The following RHOT1 variants were observed in gnomAD, a reference collection of about 807,000 sequenced individuals.
RHOT1 encodes mitochondrial Rho GTPase 1.
RHOT1 carries 27 observed loss-of-function variants against 95.3 expected under a neutral mutation model. The ratio of observed to expected loss-of-function variants is 0.28; its 90% CI spans 0.21 to 0.39. The LOEUF is 0.39. Among genes scored for constraint, RHOT1 ranks in the 10% least tolerant of loss-of-function variants. The pLI is 1.00. For synonymous variants in RHOT1, 227 were observed against 263.5 expected (o/e 0.86, Z 1.34); for missense variants, 578 against 786.7 (o/e 0.73, Z 3.17).
chr17:32,169,817 G>A (rs1177928702), intron 1 of RHOT1, among the ~76,000 whole-genome samples: 1 of 151,876 alleles, frequency 6.6e-6, no homozygotes, highest in Non-Finnish European at 1.5e-5. Flanking sequence ...ACCATCCTGG[G>A]CGACATGACG....
At chr17:32,201,496 G>A (rs1392949585) in intron 14 of RHOT1, among the ~76,000 whole-genome samples, 1 of 152,180 alleles carries the variant, frequency 6.6e-6, no homozygotes, top group Non-Finnish European at 1.5e-5. Flanking sequence ...TTAAGGAACT[G>A]ATCATTTCAA....
Position 32,199,434 on chromosome 17 carries a change from G to A in RHOT1, c.984G>A (p.Glu328=), listed in dbSNP as rs752294735. 9 of 1,613,232 alleles carry A rather than the reference G, an allele frequency of 5.6e-6. No homozygotes were observed. The highest frequency in any genetic ancestry group is 1.7e-4 in the Middle Eastern group (1 of 6,058). ...LDRDCALSPD[E]LKDLFKVFPY... Reference sequence around the variant, plus strand: ...GAGACTGTGCTTTGTCACCTGATGAGCTTAAAGATTTATTTAAAGTTTTCC... The same window carrying A: ...GAGACTGTGCTTTGTCACCTGATGAACTTAAAGATTTATTTAAAGTTTTCC... Residue 328 remains glutamate, a synonymous_variant, in exon 13 of 20, where the codon GAG becomes GAA. Coordinates refer to ENST00000545287, the MANE Select transcript of RHOT1 (RefSeq NM_001033566.3).
intron 19 of RHOT1, among the ~76,000 whole-genome samples, chr17:32,223,329 T>C (rs1394034471): frequency 2.6e-5 from 4 of 152,168 alleles, no homozygotes; most frequent in Admixed American, 6.6e-5. Flanking sequence ...TATCTGACTT[T>C]TGCTTCAAAT....
intron 8 of RHOT1, among the ~76,000 whole-genome samples, chr17:32,189,085 G>T (rs959938559): frequency 2.0e-5 from 3 of 152,112 alleles, no homozygotes; most frequent in Non-Finnish European, 4.4e-5. Context: ...GGATCATGAG[G>T]TAGGATATCG....
At chr17:32,201,420 A>C (rs1346057152) in intron 14 of RHOT1, among the ~76,000 whole-genome samples, 3 of 152,242 alleles carry the variant, frequency 2.0e-5, no homozygotes, top group Non-Finnish European at 4.4e-5. Context: ...CAAATCTTGT[A>C]AGCCAGGCAT....
At chr17:32,214,636 T>A (rs954530665) in intron 19 of RHOT1, among the ~76,000 whole-genome samples, 3 of 152,206 alleles carry the variant, frequency 2.0e-5, no homozygotes, top group Non-Finnish European at 2.9e-5. Context: ...TGGAACCACC[T>A]TTCCCTGTTA....
In RHOT1 at chr17:32,206,949, G is replaced by C. The variant is rs2037798923; in HGVS notation, c.1456G>C (p.Glu486Gln). 1 of 1,607,218 alleles carries C rather than the reference G, an allele frequency of 6.2e-7. No individual in the cohort carries two copies. Among genetic ancestry groups the C allele is most frequent in the Non-Finnish European group, 8.5e-7 (1 of 1,174,792 alleles). Residue 486 changes from glutamate (E) to glutamine (Q), a missense_variant, in exon 17 of 20, where the codon GAA (glutamate) becomes CAA (glutamine). Around this residue, in one of 4 missense-constraint regions of RHOT1, gnomAD observed 296 missense variants for 338.5 expected, o/e 0.87. Coordinates refer to ENST00000545287, the MANE Select transcript of RHOT1 (RefSeq NM_001033566.3). ...ISESEFLTEA[E>Q]IICDVVCLVY... Reference sequence around the variant, plus strand: ...AGAATCGGAATTTCTAACTGAAGCTGAAATCATTTGTGATGTTGTATGCCT... The same window carrying C: ...AGAATCGGAATTTCTAACTGAAGCTCAAATCATTTGTGATGTTGTATGCCT...
chr17:32,204,421 A>T (rs2037550907), intron 16 of RHOT1, among the ~76,000 whole-genome samples: 2 of 151,730 alleles, frequency 1.3e-5, no homozygotes, highest in South Asian at 4.2e-4. Context: ...ATGGTGGTTC[A>T]TGCCTGTAAT....
chr17:32,224,293 A>C (rs1251201808), intron 19 of RHOT1, among the ~76,000 whole-genome samples: 1 of 152,188 alleles, frequency 6.6e-6, no homozygotes, highest in Non-Finnish European at 1.5e-5. Flanking sequence ...CATTTTGAAC[A>C]ACCGTAACGG....
intron 8 of RHOT1, among the ~76,000 whole-genome samples, chr17:32,185,050 G>A (rs1253680688): frequency 6.6e-6 from 1 of 151,986 alleles, no homozygotes; most frequent in Non-Finnish European, 1.5e-5. Context: ...CTCTCAAGTA[G>A]CTGGGACTAT....
intron 19 of RHOT1, among the ~76,000 whole-genome samples, chr17:32,220,130 A>C (rs1483246980): frequency 6.6e-6 from 1 of 152,198 alleles, no homozygotes; most frequent in Admixed American, 6.5e-5. Context: ...CTGTAATCCC[A>C]GCTCTTTGGG....
Position 32,201,047 on chromosome 17 carries a change from G to C in RHOT1, c.1192G>C (p.Ala398Pro). ...ILTEQESQASAVTVTRDKKID... is the reference protein window; with the variant it reads ...ILTEQESQASPVTVTRDKKID... The stretch of plus-strand genomic sequence containing the variant: ...GACTGAGCAAGAGTCTCAAGCTTCA[G>C]CTGTTACAGGTAAGTATCTAGATAC... Residue 398 changes from alanine (A) to proline (P), a missense_variant, in exon 14 of 20, where the codon GCT becomes CCT. Transcript: ENST00000545287. 2 of 1,592,388 alleles carry C rather than the reference G, an allele frequency of 1.3e-6. No homozygotes were observed. Among genetic ancestry groups the C allele is most frequent in the Non-Finnish European group, 1.7e-6 (2 of 1,166,772 alleles).
intron 2 of RHOT1, among the ~76,000 whole-genome samples, chr17:32,172,479 T>G (rs2034656637): frequency 2.6e-5 from 4 of 152,224 alleles, no homozygotes; most frequent in African/African-American, 9.6e-5. Context: ...TTGTAAGTAA[T>G]CTAGAAGGGT....
At chr17:32,199,109 T>C (rs2037123952) in intron 12 of RHOT1, 78 bp downstream of exon 12, 5 of 1,155,610 alleles carry the variant, frequency 4.3e-6, no homozygotes, top group Admixed American at 4.0e-5. Context: ...TTCCCTGAGC[T>C]ATGGGATGTG....
At chr17:32,176,651 C>T (rs1267415380) in intron 6 of RHOT1, among the ~76,000 whole-genome samples, 1 of 151,958 alleles carries the variant, frequency 6.6e-6, no homozygotes, top group African/African-American at 2.4e-5. Flanking sequence ...TGGCTCCTTG[C>T]AGCCTCCGCC....
intron 1 of RHOT1, among the ~76,000 whole-genome samples, chr17:32,146,648 T>G (rs1363896129): frequency 6.9e-6 from 1 of 144,546 alleles, no homozygotes; most frequent in Non-Finnish European, 1.5e-5. Context: ...TTAGTAGAGA[T>G]GGGGTTTCAC....
intron 19 of RHOT1, among the ~76,000 whole-genome samples, chr17:32,215,330 AGATAT>A (rs1038355121): frequency 6.6e-6 from 1 of 152,186 alleles, no homozygotes; most frequent in Non-Finnish European, 1.5e-5. Context: ...AATTACTACC[AGATAT>A]GATACATGTT....
At chr17:32,215,116 A>G (rs1031441047) in intron 19 of RHOT1, among the ~76,000 whole-genome samples, 6 of 149,966 alleles carry the variant, frequency 4.0e-5, no homozygotes, top group African/African-American at 1.5e-4. Context: ...CTGGTCTCGA[A>G]CTCCTGACTT....
intron 6 of RHOT1, among the ~76,000 whole-genome samples, chr17:32,178,596 T>C (rs1362917828): frequency 2.6e-5 from 4 of 152,196 alleles, no homozygotes; most frequent in African/African-American, 9.7e-5. Flanking sequence ...GATTACAGCC[T>C]CTGCCCGCCC....
Sources: gnomAD v4.1 joint callset for allele counts (sites outside exome capture counted in the v4.1 genomes callset) on GRCh38, gnomAD v4.1.1 for gene constraint, gnomAD v4.1.1 regional missense constraint, MANE v1.5 for transcripts, NCBI Gene and HGNC (gene_info 2026-07-23, HGNC 2026-07-21) for gene names.